The following ARHGAP20 variants were observed in gnomAD, a reference collection of about 807,000 sequenced individuals.
ARHGAP20 encodes the protein Rho GTPase activating protein 20, also known as rho GTPase-activating protein 20.
ARHGAP20 carries 34 observed loss-of-function variants against 73.7 expected under a neutral mutation model. The ratio of observed to expected loss-of-function variants is 0.46; its 90% CI spans 0.35 to 0.61. The LOEUF (loss-of-function observed/expected upper bound fraction) is 0.61. Ranked by LOEUF, ARHGAP20 falls within the 20% of genes least tolerant of loss-of-function variation. The probability of loss-of-function intolerance (pLI) is 0.00; values close to 1 mark genes in which losing one functional copy is unlikely to be tolerated. For missense variants in ARHGAP20, 1,314 were observed against 1,420.9 expected, an observed-to-expected ratio of 0.92 and a Z score of 1.21; for synonymous variants, 523 against 518.2, an observed-to-expected ratio of 1.01 and a Z score of -0.13.
chr11:110,704,526 T>C (rs1020212194), intron 1 of ARHGAP20, among the ~76,000 whole-genome samples: 3 of 152,184 alleles, frequency 2.0e-5, no homozygotes, highest in African/African-American at 7.2e-5. Flanking sequence ...TACCATAAAC[T>C]TGTCCTAGAT....
chr11:110,703,584 TAACA>T (rs1323115264), intron 1 of ARHGAP20, among the ~76,000 whole-genome samples: 2 of 152,278 alleles, frequency 1.3e-5, no homozygotes, highest in Admixed American at 1.3e-4. Flanking sequence ...TGTGATAATG[TAACA>T]GACAGTAAAC....
chr11:110,707,744 A>G (rs901827954), intron 1 of ARHGAP20, among the ~76,000 whole-genome samples: 1 of 152,142 alleles, frequency 6.6e-6, no homozygotes, highest in African/African-American at 2.4e-5. Context: ...AGGGACACTT[A>G]AAAAAGGCCT....
chr11:110,612,642 AC>A (rs1464984638), intron 6 of ARHGAP20, among the ~76,000 whole-genome samples: 1 of 152,226 alleles, frequency 6.6e-6, no homozygotes, highest in Non-Finnish European at 1.5e-5. Context: ...ATTAAATAGC[AC>A]AAAAAAGTAG....
At chr11:110,701,270 T>C (rs1407723700) in intron 1 of ARHGAP20, among the ~76,000 whole-genome samples, 2 of 151,238 alleles carry the variant, frequency 1.3e-5, no homozygotes, top group South Asian at 2.1e-4. Flanking sequence ...TTTTTAATGA[T>C]TGCCATTCTA....
At chr11:110,686,075 T>C (rs1050795373) in intron 2 of ARHGAP20, among the ~76,000 whole-genome samples, 4 of 152,100 alleles carry the variant, frequency 2.6e-5, no homozygotes, top group African/African-American at 9.7e-5. Flanking sequence ...TGTAACAACT[T>C]TGGAAAAAGT....
At chr11:110,661,466 C>A (rs1949610460) in intron 2 of ARHGAP20, among the ~76,000 whole-genome samples, 1 of 151,918 alleles carries the variant, frequency 6.6e-6, no homozygotes, top group African/African-American at 2.4e-5. Flanking sequence ...GGTACAAATG[C>A]CCAGTTTAAG....
chr11:110,708,120 T>C (rs561747325), intron 1 of ARHGAP20, among the ~76,000 whole-genome samples: 3 of 151,988 alleles, frequency 2.0e-5, no homozygotes, highest in Non-Finnish European at 4.4e-5. Context: ...TCACCAAAGA[T>C]AACATATGGA....
rs1042888946 is a variant in ARHGAP20, at chr11:110,577,413, C to T, written c.*1957G>A. 2.1e-5 allele frequency: 24 copies of T among 1,135,778 alleles called. No individual in the cohort carries two copies. Among genetic ancestry groups the T allele is most frequent in the Non-Finnish European group, 2.6e-5 (24 of 928,010 alleles). 70.4% of individuals were successfully genotyped at this position (1,135,778 alleles called of 1,614,324 possible). A position where few individuals can be genotyped will look rare whatever the true frequency, so the allele number is the denominator to read the frequency against. ...AGTAGGAATGGTTATTAAAAAACCT[C>T]AGCAACTATTTTCTTCTATGCTTCA... On this transcript the variant is annotated 3_prime_UTR_variant, in exon 15 of 15. Coordinates refer to ENST00000683387, the MANE Select transcript of ARHGAP20 (RefSeq NM_001384657.1).
intron 4 of ARHGAP20, among the ~76,000 whole-genome samples, chr11:110,616,729 C>T (rs1044888883): frequency 2.1e-5 from 3 of 145,624 alleles, no homozygotes; most frequent in African/African-American, 7.6e-5. Context: ...TTCCATCTTT[C>T]ACAATTCCTT....
chr11:110,663,225 T>G (rs574418734), intron 2 of ARHGAP20, among the ~76,000 whole-genome samples: 90 of 151,150 alleles, frequency 6.0e-4, no homozygotes, highest in African/African-American at 2.0e-3. Flanking sequence ...AGAAAAGTAA[T>G]AAAGAAAATA....
chr11:110,643,334 AT>A (rs1377871841), intron 2 of ARHGAP20, among the ~76,000 whole-genome samples: 1 of 151,922 alleles, frequency 6.6e-6, no homozygotes, highest in Non-Finnish European at 1.5e-5. Flanking sequence ...TGTTCTTGTT[AT>A]TCTAGTTCCT....
intron 2 of ARHGAP20, among the ~76,000 whole-genome samples, chr11:110,672,316 C>T (rs939706635): frequency 6.6e-6 from 1 of 152,088 alleles, no homozygotes; most frequent in Non-Finnish European, 1.5e-5. Flanking sequence ...CAAGTTTACA[C>T]ATTAAAAAAT....
At chr11:110,669,644 T>C (rs1480685041) in intron 2 of ARHGAP20, among the ~76,000 whole-genome samples, 2 of 152,116 alleles carry the variant, frequency 1.3e-5, no homozygotes, top group African/African-American at 4.8e-5. Context: ...TACTTAAAAT[T>C]AGAAGTTCTG....
chr11:110,633,106 T>G (rs1018450085), intron 2 of ARHGAP20, among the ~76,000 whole-genome samples: 3 of 152,192 alleles, frequency 2.0e-5, no homozygotes, highest in African/African-American at 7.2e-5. Flanking sequence ...TGTATGATTT[T>G]TAGTTTTTAC....
intron 4 of ARHGAP20, among the ~76,000 whole-genome samples, chr11:110,617,910 C>A (rs557265310): frequency 1.9e-4 from 29 of 152,252 alleles, no homozygotes; most frequent in African/African-American, 7.0e-4. Context: ...TTAGAAGATT[C>A]TCTCAAATTA....
chr11:110,657,068 A>G (rs1303513355), intron 2 of ARHGAP20, among the ~76,000 whole-genome samples: 1 of 152,226 alleles, frequency 6.6e-6, no homozygotes. Flanking sequence ...TAATGGATTC[A>G]AGAGAGGTTA....
intron 12 of ARHGAP20, among the ~76,000 whole-genome samples, chr11:110,584,148 G>T (rs1591293330): frequency 1.3e-5 from 2 of 152,242 alleles, no homozygotes; most frequent in African/African-American, 4.8e-5. Flanking sequence ...CATTTAAGTA[G>T]CAACACAGAA....
chr11:110,666,128 C>T lies in ARHGAP20; in HGVS notation c.188+24419G>A, dbSNP rs370711299. Among the ~76,000 whole-genome samples the T allele has an allele frequency of 3.3e-5, 5 of 152,160 alleles. 1 individual carries two copies. The highest frequency in any genetic ancestry group is 1.2e-4 in the African/African-American group (5 of 41,504). On this transcript the variant is annotated intron_variant, in intron 2 of 14. Coordinates refer to ENST00000683387, the MANE Select transcript of ARHGAP20 (RefSeq NM_001384657.1). ...CTAAGAACTGTGCCATTTACAACAG[C>T]ATCAAACAATATAAAACACCTAAGA...
chr11:110,673,983 G>A (rs1194982930), intron 2 of ARHGAP20, among the ~76,000 whole-genome samples: 1 of 151,260 alleles, frequency 6.6e-6, no homozygotes, highest in African/African-American at 2.4e-5. Context: ...CTGTTGCCCA[G>A]GCTTGAGTGC....
Sources: allele counts gnomAD v4.1 joint callset (sites outside exome capture counted in the v4.1 genomes callset), GRCh38; gene constraint gnomAD v4.1.1; transcripts MANE v1.5; gene names NCBI Gene and HGNC (gene_info 2026-07-23, HGNC 2026-07-21).